The following TLE1 variants were observed in gnomAD, a reference collection of about 807,000 sequenced individuals.
TLE1 encodes TLE family member 1, transcriptional corepressor, also known as transducin-like enhancer protein 1.
Under a neutral mutation model 89.8 loss-of-function variants are expected in TLE1, and 21 were observed. The observed-to-expected ratio is 0.23, with a 90% CI of 0.17 to 0.34. The LOEUF is 0.34. Among genes scored for constraint, TLE1 ranks in the 10% least tolerant of loss-of-function variants. The pLI is 1.00. For synonymous variants in TLE1, 447 were observed against 407.6 expected (o/e 1.10, Z -1.16); for missense variants, 795 against 1,031.2 (o/e 0.77, Z 3.14).
intron 4 of TLE1, among the ~76,000 whole-genome samples, chr9:81,662,652 C>T (rs1465547648): frequency 1.3e-5 from 2 of 150,962 alleles, no homozygotes; most frequent in South Asian, 2.1e-4. Flanking sequence ...GAGCCAAGAT[C>T]GCACCATTGC....
intron 8 of TLE1, among the ~76,000 whole-genome samples, chr9:81,626,081 A>G (rs567262694): frequency 6.6e-6 from 1 of 152,344 alleles, no homozygotes; most frequent in East Asian, 1.9e-4. Context: ...AAACCCATTC[A>G]TGCATACAGC....
At chr9:81,606,282 A>G (rs1831638534) in intron 14 of TLE1, among the ~76,000 whole-genome samples, 1 of 152,222 alleles carries the variant, frequency 6.6e-6, no homozygotes, top group Non-Finnish European at 1.5e-5. Flanking sequence ...TGTATACCCA[A>G]AGGATTATAA....
At chr9:81,600,561 T>G (rs1301450387) in intron 14 of TLE1, among the ~76,000 whole-genome samples, 1 of 149,424 alleles carries the variant, frequency 6.7e-6, no homozygotes, top group South Asian at 2.1e-4. Flanking sequence ...AAACAGAAAT[T>G]AAACTAATAC....
intron 4 of TLE1, among the ~76,000 whole-genome samples, chr9:81,673,305 AC>A (rs1832475605): frequency 6.6e-6 from 1 of 150,604 alleles, no homozygotes; most frequent in Non-Finnish European, 1.5e-5. Context: ...CAGACTGCCA[AC>A]AAGTCCTTTT....
chr9:81,662,740 A>T (rs1830978134), intron 4 of TLE1, among the ~76,000 whole-genome samples: 1 of 151,682 alleles, frequency 6.6e-6, no homozygotes, highest in African/African-American at 2.4e-5. Flanking sequence ...CCGTAAATTG[A>T]TATCCAAAAT....
intron 14 of TLE1, among the ~76,000 whole-genome samples, chr9:81,595,233 A>G (rs7860224): frequency 0.097 from 14,731 of 152,238 alleles, 817 homozygotes; most frequent in Middle Eastern, 0.16. Flanking sequence ...AGTCCACATG[A>G]TATTTCAACA....
intron 4 of TLE1, among the ~76,000 whole-genome samples, chr9:81,678,576 A>G (rs374517134): frequency 4.7e-4 from 71 of 152,042 alleles, no homozygotes; most frequent in African/African-American, 1.7e-3. Flanking sequence ...GCACTTTGGG[A>G]GGCTGAGGCA....
At chr9:81,686,453 T>C (rs1344642616) in intron 2 of TLE1, among the ~76,000 whole-genome samples, 1 of 152,220 alleles carries the variant, frequency 6.6e-6, no homozygotes, top group African/African-American at 2.4e-5. Context: ...TGTGCAAGTA[T>C]GCCTCAAGCT....
intron 4 of TLE1, among the ~76,000 whole-genome samples, chr9:81,676,910 T>C (rs1832967784): frequency 6.6e-6 from 1 of 152,242 alleles, no homozygotes; most frequent in African/African-American, 2.4e-5. Context: ...TTTAAATGTA[T>C]ACAACAGTGT....
intron 8 of TLE1, 54 bp from the exon 9 acceptor site, chr9:81,620,611 T>A: frequency 6.3e-7 from 1 of 1,579,974 alleles, no homozygotes; most frequent in African/African-American, 1.4e-5. Context: ...TTTGTACACA[T>A]GAAACCCAAC....
intron 8 of TLE1, 21 bp downstream of exon 8, chr9:81,633,324 TGCA>T: frequency 1.2e-6 from 2 of 1,607,064 alleles, no homozygotes; most frequent in Non-Finnish European, 1.7e-6. Flanking sequence ...TGTGTGTGTG[TGCA>T]GCAGGCGTTT....
chr9:81,681,064 C>T (rs902814652), intron 4 of TLE1, among the ~76,000 whole-genome samples: 10 of 152,046 alleles, frequency 6.6e-5, no homozygotes, highest in African/African-American at 1.7e-4. Flanking sequence ...TAAAGAACAA[C>T]GCATTTTTCT....
intron 14 of TLE1, 119 bp downstream of exon 14, chr9:81,610,101 G>A (rs902761568): frequency 5.9e-6 from 5 of 842,132 alleles, no homozygotes; most frequent in South Asian, 3.3e-5. Flanking sequence ...CTCAGGAAAA[G>A]ACACCAGAAA....
At position 81,601,227 on chromosome 9, in the gene TLE1, G is replaced by A. The variant is rs1830877938; in HGVS notation, c.1332-7953C>T. Among the ~76,000 whole-genome samples, 3 of 152,188 alleles carry A rather than the reference G, an allele frequency of 2.0e-5. No individual in the cohort carries two copies. In the East Asian group the frequency reaches 5.8e-4, roughly 29 times the overall value. On this transcript the variant is annotated intron_variant, in intron 14 of 19. Coordinates refer to ENST00000376499, the MANE Select transcript of TLE1 (RefSeq NM_005077.5). Reference sequence around the variant, plus strand: ...AGATCAGAAACAGAAAAAGTGGGGTGAAAGGGGGAAGCCCCCGGCCACTGA... The same window carrying A: ...AGATCAGAAACAGAAAAAGTGGGGTAAAAGGGGGAAGCCCCCGGCCACTGA...
chr9:81,636,774 G>A (rs1489929372), intron 6 of TLE1, among the ~76,000 whole-genome samples: 1 of 152,166 alleles, frequency 6.6e-6, no homozygotes. Context: ...GGGGCCCAAG[G>A]CAAGTGGATC....
At chr9:81,684,810 G>C (rs559618335) in intron 4 of TLE1, among the ~76,000 whole-genome samples, 8 of 151,620 alleles carry the variant, frequency 5.3e-5, no homozygotes, top group Non-Finnish European at 7.3e-5. Flanking sequence ...GTGAATGTCA[G>C]CGTATCTCCA....
intron 14 of TLE1, among the ~76,000 whole-genome samples, chr9:81,607,756 C>T (rs1274286143): frequency 1.3e-5 from 2 of 152,056 alleles, no homozygotes; most frequent in African/African-American, 2.4e-5. Flanking sequence ...TCCCAAATTC[C>T]CAAGAAAACA....
Position 81,688,373 on chromosome 9 carries a change from G to A in TLE1, c.-133C>T. 2.9e-6 allele frequency: 3 copies of A among 1,036,302 alleles called. No individual in the cohort carries two copies. The highest frequency in any genetic ancestry group is 3.9e-6 in the Non-Finnish European group (3 of 765,618). 64.2% of individuals were successfully genotyped at this position (1,036,302 alleles called of 1,614,324 possible). A position where few individuals can be genotyped will look rare whatever the true frequency, so the allele number is the denominator to read the frequency against. On this transcript the variant is annotated 5_prime_UTR_variant, in exon 1 of 20. Coordinates refer to ENST00000376499, the MANE Select transcript of TLE1 (RefSeq NM_005077.5). The stretch of plus-strand genomic sequence containing the variant: ...GGGAGCGCGCTGGCCACGCACGCGC[G>A]CTCCGCCGGGCGCACCGGCCACTCG...
In TLE1 at chr9:81,613,527, G is replaced by A; in HGVS notation, c.919-6C>T. On this transcript the variant is annotated splice_region_variant and splice_polypyrimidine_tract_variant and intron_variant, in intron 11 of 19. Transcript: ENST00000376499. Reference sequence around the variant, plus strand: ...GGCGTGCTGGCTTTTTCATGCTGGTGTCATTAAACAAATTAAATGAGTATT... The same window carrying A: ...GGCGTGCTGGCTTTTTCATGCTGGTATCATTAAACAAATTAAATGAGTATT... The A allele has an allele frequency of 1.9e-6, 3 of 1,613,756 alleles. No homozygotes were observed. Among genetic ancestry groups the A allele is most frequent in the South Asian group, 1.1e-5 (1 of 91,018 alleles).
Sources: gnomAD v4.1 joint callset for allele counts (sites outside exome capture counted in the v4.1 genomes callset) on GRCh38, gnomAD v4.1.1 for gene constraint, MANE v1.5 for transcripts, NCBI Gene and HGNC (gene_info 2026-07-23, HGNC 2026-07-21) for gene names.